KIAA1328: variants seen among roughly 807,000 people sequenced by gnomAD.
The protein encoded by KIAA1328 is KIAA1328.
KIAA1328 carries 52 observed loss-of-function variants against 68.1 expected under a neutral mutation model. The ratio of observed to expected loss-of-function variants is 0.76; its 90% CI spans 0.61 to 0.96. The LOEUF is 0.96. Among genes scored for constraint, KIAA1328 ranks in the 40% least tolerant of loss-of-function variants. The probability of loss-of-function intolerance (pLI) is 0.00; values close to 1 mark genes in which losing one functional copy is unlikely to be tolerated. For missense variants in KIAA1328, 641 were observed against 677.6 expected, an observed-to-expected ratio of 0.95 and a Z score of 0.60; for synonymous variants, 232 against 239.4, an observed-to-expected ratio of 0.97 and a Z score of 0.28.
At chr18:36,836,936 G>A (rs1295078613) in intron 3 of KIAA1328, among the ~76,000 whole-genome samples, 1 of 151,978 alleles carries the variant, frequency 6.6e-6, no homozygotes, top group Non-Finnish European at 1.5e-5. Context: ...ATGATTTCAA[G>A]GTTCATCTAT....
chr18:36,846,081 T>C (rs2047018393), intron 4 of KIAA1328, among the ~76,000 whole-genome samples: 1 of 151,672 alleles, frequency 6.6e-6, no homozygotes, highest in South Asian at 2.1e-4. Flanking sequence ...CTCTACTGGA[T>C]ATTTCAGTCT....
chr18:37,195,336 A>AT (rs2059983553), intron 9 of KIAA1328, among the ~76,000 whole-genome samples: 1 of 151,834 alleles, frequency 6.6e-6, no homozygotes, highest in African/African-American at 2.4e-5. Context: ...ACATTTGTCT[A>AT]TTTTTGCTTT....
chr18:36,873,296 C>G (rs1448342302), intron 4 of KIAA1328, among the ~76,000 whole-genome samples: 2 of 152,194 alleles, frequency 1.3e-5, no homozygotes, highest in Admixed American at 6.5e-5. Context: ...ATTTCCTACT[C>G]TACACATTAT....
intron 5 of KIAA1328, among the ~76,000 whole-genome samples, chr18:36,953,654 G>A (rs1283733714): frequency 1.3e-5 from 2 of 152,080 alleles, no homozygotes; most frequent in Admixed American, 6.5e-5. Context: ...AGTGGCAAGT[G>A]TCACTCCTAG....
chr18:37,037,146 G>GT, intron 6 of KIAA1328, among the ~76,000 whole-genome samples: 1 of 149,826 alleles, frequency 6.7e-6, no homozygotes, highest in Non-Finnish European at 1.5e-5. Flanking sequence ...ATATATTGCC[G>GT]TAACTATTAT....
At chr18:37,193,621 TTCAAA>T (rs2059948846) in intron 9 of KIAA1328, 1 of 702,596 alleles carries the variant, frequency 1.4e-6, no homozygotes, top group African/African-American at 1.7e-5. Flanking sequence ...TCTGCTTCCT[TTCAAA>T]TCATTTCTTC....
chr18:37,213,647 C>T (rs1599612054), intron 9 of KIAA1328, among the ~76,000 whole-genome samples: 1 of 152,144 alleles, frequency 6.6e-6, no homozygotes, highest in African/African-American at 2.4e-5. Context: ...GATTTATACT[C>T]CTTTGGGTAT....
chr18:37,143,666 CA>C (rs1222902933), intron 7 of KIAA1328, among the ~76,000 whole-genome samples: 4 of 151,090 alleles, frequency 2.6e-5, no homozygotes, highest in African/African-American at 9.7e-5. Context: ...ATGTTAAATA[CA>C]AGTTTTTGGT....
At chr18:37,103,098 C>A (rs1418728105) in intron 7 of KIAA1328, among the ~76,000 whole-genome samples, 2 of 152,048 alleles carry the variant, frequency 1.3e-5, no homozygotes, top group Non-Finnish European at 1.5e-5. Context: ...TAAAATGACT[C>A]CACTATTCAG....
chr18:37,075,743 T>G (rs1199965465), intron 7 of KIAA1328: 1 of 152,212 alleles, frequency 6.6e-6, no homozygotes, highest in Non-Finnish European at 1.5e-5. Context: ...ATAAGGCCAT[T>G]ACATAATGGT....
At chr18:36,966,253 A>C (rs1255716459) in intron 6 of KIAA1328, among the ~76,000 whole-genome samples, 4 of 152,222 alleles carry the variant, frequency 2.6e-5, no homozygotes, top group Non-Finnish European at 5.9e-5. Flanking sequence ...CCTTACAATA[A>C]ATACTAATAG....
chr18:37,105,501 G>GAA (rs376818867), intron 7 of KIAA1328, among the ~76,000 whole-genome samples: 1,553 of 100,280 alleles, frequency 0.015, 26 homozygotes, highest in African/African-American at 0.032. Context: ...CTTTTTGAAG[G>GAA]AAAAAAAAAA....
chr18:37,056,452 C>G (rs931792221), intron 6 of KIAA1328, among the ~76,000 whole-genome samples: 1 of 151,612 alleles, frequency 6.6e-6, no homozygotes, highest in African/African-American at 2.4e-5. Flanking sequence ...TCATTAGTTT[C>G]TTTTATCTAG....
chr18:37,178,698 C>A (rs1267883843), intron 9 of KIAA1328, among the ~76,000 whole-genome samples: 1 of 152,060 alleles, frequency 6.6e-6, no homozygotes, highest in Non-Finnish European at 1.5e-5. Flanking sequence ...ACATTCCGAC[C>A]CAATAGTATA....
intron 9 of KIAA1328, among the ~76,000 whole-genome samples, chr18:37,180,580 A>C (rs1218035990): frequency 6.6e-6 from 1 of 152,034 alleles, no homozygotes; most frequent in East Asian, 1.9e-4. Context: ...TATGCATAGC[A>C]GTCAGATTGC....
At chr18:36,932,450 C>G (rs979740815) in intron 5 of KIAA1328, among the ~76,000 whole-genome samples, 1 of 152,146 alleles carries the variant, frequency 6.6e-6, no homozygotes, top group Non-Finnish European at 1.5e-5. Flanking sequence ...ATGAAAACTC[C>G]TGGGGTCAAG....
intron 6 of KIAA1328, among the ~76,000 whole-genome samples, chr18:36,984,148 T>G (rs1377305580): frequency 1.1e-4 from 17 of 152,148 alleles, no homozygotes; most frequent in Admixed American, 7.9e-4. Context: ...GTTAATAACA[T>G]CATACTCAAT....
intron 8 of KIAA1328, among the ~76,000 whole-genome samples, chr18:37,162,812 T>C (rs1599474453): frequency 6.6e-6 from 1 of 152,066 alleles, no homozygotes; most frequent in East Asian, 1.9e-4. Flanking sequence ...TTAATCTTTA[T>C]TACCAGTATC....
intron 6 of KIAA1328, among the ~76,000 whole-genome samples, chr18:37,033,952 A>G (rs1261762284): frequency 5.9e-5 from 9 of 152,210 alleles, no homozygotes; most frequent in Non-Finnish European, 1.2e-4. Flanking sequence ...TGAATATATA[A>G]AACAACTGGT....
Sources: gnomAD v4.1 joint callset for allele counts (sites outside exome capture counted in the v4.1 genomes callset) on GRCh38, gnomAD v4.1.1 for gene constraint, MANE v1.5 for transcripts, NCBI Gene and HGNC (gene_info 2026-07-23, HGNC 2026-07-21) for gene names.